The following DET1 variants were observed in gnomAD, a reference collection of about 807,000 sequenced individuals.
DET1 encodes DET1 partner of COP1 E3 ubiquitin ligase.
Under a neutral mutation model 43.7 loss-of-function variants are expected in DET1, and 22 were observed. That is an observed-to-expected ratio of 0.50 (90% confidence interval 0.36 to 0.72). The LOEUF (loss-of-function observed/expected upper bound fraction) is 0.72, where lower values mean the gene tolerates loss of function less well. Among genes scored for constraint, DET1 ranks in the 30% least tolerant of loss-of-function variants. The pLI is 0.00. For synonymous variants in DET1, 315 were observed against 266.2 expected (o/e 1.18, Z -1.79); for missense variants, 713 against 713.3 (o/e 1.00, Z 0.00).
chr15:88,534,460 G>T (rs1567070795), intron 1 of DET1, among the ~76,000 whole-genome samples: 2 of 152,298 alleles, frequency 1.3e-5, no homozygotes, highest in East Asian at 1.9e-4. Flanking sequence ...GAGCAAGTGT[G>T]TTGCAAGGAA....
intron 2 of DET1, 146 bp downstream of exon 2, chr15:88,530,477 G>A: frequency 7.4e-7 from 1 of 1,345,070 alleles, no homozygotes; most frequent in South Asian, 1.6e-5. Context: ...GAGAAAAATG[G>A]AGCTGATTTT....
At chr15:88,536,325 G>A (rs2056948888) in intron 1 of DET1, 3 of 779,062 alleles carry the variant, frequency 3.9e-6, no homozygotes, top group Non-Finnish European at 4.8e-6. Context: ...TTTAGTATCT[G>A]TCCCACCATA....
intron 3 of DET1, 27 bp downstream of exon 3, chr15:88,527,572 A>G (rs749814511): frequency 6.5e-7 from 1 of 1,546,772 alleles, no homozygotes; most frequent in Non-Finnish European, 8.7e-7. Flanking sequence ...TAAAGAAAAG[A>G]CTGTTGAGTC....
chr15:88,505,315 T>A (rs1284000964), intron 7 of DET1: 1 of 152,236 alleles, frequency 6.6e-6, no homozygotes, highest in African/African-American at 2.4e-5. Context: ...TTCGCATGAA[T>A]CTCAGCATGT....
chr15:88,517,315 T>A (rs2056372990), intron 3 of DET1, among the ~76,000 whole-genome samples: 1 of 146,306 alleles, frequency 6.8e-6, no homozygotes, highest in Non-Finnish European at 1.5e-5. Flanking sequence ...AGCCTTGACC[T>A]CCCAGGCTCA....
At position 88,516,999 on chromosome 15, in the gene DET1, G is replaced by C. The variant is rs750542750; in HGVS notation, c.1272-26C>G. 1.3e-6 allele frequency: 2 copies of C among 1,525,512 alleles called. No homozygotes were observed. The highest frequency in any genetic ancestry group is 1.4e-5 in the African/African-American group (1 of 71,604). 94.5% of individuals were successfully genotyped at this position (1,525,512 alleles called of 1,614,324 possible). A position where few individuals can be genotyped will look rare whatever the true frequency, so the allele number is the denominator to read the frequency against. ...CTAAATGAAAGGACCGGTGAGGAAG[G>C]CTTTGTTAGTGAGTACACAAAGCTG... On this transcript the variant is annotated intron_variant, in intron 3 of 4. Coordinates refer to ENST00000268148, the MANE Select transcript of DET1 (RefSeq NM_001144074.3). This position sits in a 1 kb window ranked among gnomAD's most constrained non-coding sequence, Gnocchi z 4.4.
chr15:88,533,571 T>TA (rs1220303914), intron 1 of DET1, among the ~76,000 whole-genome samples: 3 of 152,102 alleles, frequency 2.0e-5, no homozygotes, highest in African/African-American at 7.2e-5. Flanking sequence ...CAAAATATGG[T>TA]ATATACACAC....
At position 88,531,522 on chromosome 15, in the gene DET1, A is replaced by G. The variant is rs1199565909; in HGVS notation, c.184T>C (p.Leu62=). ...VVNVEKPPCF[L]RKFSPDGRYF... ...CGTCCATCAGGTGAGAATTTACGCA[A>G]GAAACAAGGAGGCTTTTCAACGTTG... Residue 62 remains leucine, a synonymous_variant, in exon 2 of 5, where the codon TTG becomes CTG. Coordinates refer to ENST00000268148, the MANE Select transcript of DET1 (RefSeq NM_001144074.3). This position sits in a 1 kb window ranked among gnomAD's most constrained non-coding sequence, Gnocchi z 6.2. 1 of 1,614,032 alleles carries G rather than the reference A, an allele frequency of 6.2e-7. No individual in the cohort carries two copies. Among genetic ancestry groups the G allele is most frequent in the South Asian group, 1.1e-5 (1 of 91,084 alleles).
At chr15:88,543,586 A>G (rs2057168565) in intron 1 of DET1, among the ~76,000 whole-genome samples, 1 of 152,226 alleles carries the variant, frequency 6.6e-6, no homozygotes, top group Non-Finnish European at 1.5e-5. Flanking sequence ...CAGCTTTCTC[A>G]AGCAGCGAGT....
At position 88,512,733 on chromosome 15, in the gene DET1, C is replaced by A; in HGVS notation, c.*218G>T. On this transcript the variant is annotated 3_prime_UTR_variant, in exon 5 of 5. Transcript: ENST00000268148. ...GCTGGGCATTCCCACAGGGAAAACGCAAGAGGATATTATAACAATCAGTAG... is the reference window on the plus strand; with the variant it reads ...GCTGGGCATTCCCACAGGGAAAACGAAAGAGGATATTATAACAATCAGTAG... 1 of 1,271,750 alleles carries A rather than the reference C, an allele frequency of 7.9e-7. No individual in the cohort carries two copies. Among genetic ancestry groups the A allele is most frequent in the Non-Finnish European group, 9.9e-7 (1 of 1,010,644 alleles). 78.8% of individuals were successfully genotyped at this position (1,271,750 alleles called of 1,614,324 possible). A position where few individuals can be genotyped will look rare whatever the true frequency, so the allele number is the denominator to read the frequency against.
chr15:88,531,417 G>A lies in DET1; in HGVS notation c.289C>T (p.Leu97=). The change falls in exon 2 of 5, where the codon CTG becomes TTG. Residue 97 remains leucine (L), a synonymous_variant. Coordinates refer to ENST00000268148, the MANE Select transcript of DET1 (RefSeq NM_001144074.3). The surrounding 1 kb of genome is among the most constrained non-coding windows in gnomAD (Gnocchi z 6.2). ...YQGCQAAEDL[L]QGYEGEILSN... is the part of the protein sequence containing the mutation. The stretch of plus-strand genomic sequence containing the variant: ...AGGATTTCTCCTTCGTATCCCTGCA[G>A]TAGGTCCTCTGCTGCCTGGCAGCCC... The A allele has an allele frequency of 6.2e-7, 1 of 1,614,062 alleles. No individual in the cohort carries two copies. The highest frequency in any genetic ancestry group is 8.5e-7 in the Non-Finnish European group (1 of 1,179,896).
chr15:88,524,504 T>C (rs2056605759), intron 3 of DET1, among the ~76,000 whole-genome samples: 1 of 152,224 alleles, frequency 6.6e-6, no homozygotes. Context: ...CGATGGCGGT[T>C]TTGTCGAATA....
rs1180602265 is a variant in DET1 at position 88,504,368 on chromosome 15, T to C, written c.*2066-381A>G. 2 of 152,184 alleles carry C rather than the reference T, an allele frequency of 1.3e-5. No individual in the cohort carries two copies. The highest frequency in any genetic ancestry group is 2.9e-5 in the Non-Finnish European group (2 of 68,030). 9.4% of individuals were successfully genotyped at this position (152,184 alleles called of 1,614,324 possible). On this transcript the variant is annotated intron_variant and NMD_transcript_variant, in intron 7 of 8. Coordinates refer to the DET1 transcript ENST00000557842. The surrounding 1 kb of genome is among the most constrained non-coding windows in gnomAD (Gnocchi z 4.7). ...GTCATGCCAATCAACCATGATACGA[T>C]GTGGGAGGGCATGAATATAGAAGGT...
chr15:88,524,167 G>A (rs1188158991), intron 3 of DET1, among the ~76,000 whole-genome samples: 2 of 141,552 alleles, frequency 1.4e-5, no homozygotes, highest in African/African-American at 2.7e-5. Context: ...GTCCGGCCGC[G>A]ACCCCGTCTG....
At chr15:88,511,573 T>A (rs1159069958), downstream of DET1, 3 of 985,436 alleles carry the variant, frequency 3.0e-6, no homozygotes, top group Non-Finnish European at 3.6e-6. Flanking sequence ...TTCCTTCATC[T>A]GTCTCCACTG....
intron 1 of DET1, among the ~76,000 whole-genome samples, chr15:88,542,030 C>T (rs1057263574): frequency 6.6e-6 from 1 of 152,120 alleles, no homozygotes; most frequent in African/African-American, 2.4e-5. Flanking sequence ...CCTTTTTCTA[C>T]TTCTGACTTG....
chr15:88,545,563 A>G (rs2057230732), intron 1 of DET1, among the ~76,000 whole-genome samples: 1 of 152,206 alleles, frequency 6.6e-6, no homozygotes, highest in Non-Finnish European at 1.5e-5. Context: ...ACCTCTCCTC[A>G]TCATACTATT....
intron 1 of DET1, among the ~76,000 whole-genome samples, chr15:88,545,979 G>A (rs113876024): frequency 6.6e-6 from 1 of 150,888 alleles, no homozygotes; most frequent in Non-Finnish European, 1.5e-5. Flanking sequence ...TAGTCATAAA[G>A]CCCCTGCACC....
At chr15:88,541,410 C>T (rs2142342199) in intron 1 of DET1, among the ~76,000 whole-genome samples, 1 of 151,076 alleles carries the variant, frequency 6.6e-6, no homozygotes, top group Non-Finnish European at 1.5e-5. Context: ...TTCCCCGGGT[C>T]CCCTTATTTC....
Sources: allele counts gnomAD v4.1 joint callset (sites outside exome capture counted in the v4.1 genomes callset), GRCh38; gene constraint gnomAD v4.1.1; non-coding constraint Gnocchi (gnomAD v3.1); transcripts MANE v1.5; gene names NCBI Gene and HGNC (gene_info 2026-07-23, HGNC 2026-07-21).